SCARB2: variants seen among roughly 807,000 people sequenced by gnomAD.
The protein encoded by SCARB2 is lysosome membrane protein 2.
In SCARB2, 29 loss-of-function variants were observed where a neutral mutation model predicts 58.6. The observed-to-expected ratio is 0.49, with a 90% CI of 0.37 to 0.67. The LOEUF (loss-of-function observed/expected upper bound fraction) is 0.67. Ranked by LOEUF, SCARB2 falls within the 30% of genes least tolerant of loss-of-function variation. The probability of loss-of-function intolerance (pLI) is 0.00; values close to 1 mark genes in which losing one functional copy is unlikely to be tolerated. For missense variants in SCARB2, 488 were observed against 578.5 expected (o/e 0.84, Z 1.60); for synonymous variants, 195 against 210.1 (o/e 0.93, Z 0.62).
At chr4:76,220,444 T>C (rs1733287987) in intron 1 of SCARB2, among the ~76,000 whole-genome samples, 2 of 152,158 alleles carry the variant, frequency 1.3e-5, no homozygotes, top group South Asian at 2.1e-4. Flanking sequence ...CTGGGCATCA[T>C]AGCAAGACCC....
chr4:76,212,345 T>C (rs922525953), intron 1 of SCARB2, among the ~76,000 whole-genome samples: 2 of 152,222 alleles, frequency 1.3e-5, no homozygotes, highest in African/African-American at 2.4e-5. Context: ...ATGGTGCTTT[T>C]TGAAAAACTG....
chr4:76,181,350 A>G (rs1189970370), intron 2 of SCARB2, among the ~76,000 whole-genome samples: 1 of 152,152 alleles, frequency 6.6e-6, no homozygotes, highest in Non-Finnish European at 1.5e-5. Context: ...AGGGAGGTGC[A>G]ATAGTTGAGG....
chr4:76,190,959 T>C (rs1732592719), intron 2 of SCARB2, among the ~76,000 whole-genome samples: 1 of 152,136 alleles, frequency 6.6e-6, no homozygotes, highest in Admixed American at 6.5e-5. Flanking sequence ...AAAGACAGTA[T>C]AAAAAAAGAT....
chr4:76,225,686 C>T (rs1217718704), intron 1 of SCARB2, among the ~76,000 whole-genome samples: 1 of 152,224 alleles, frequency 6.6e-6, no homozygotes, highest in East Asian at 1.9e-4. Context: ...TGATGTATCA[C>T]ACTTATTGAC....
intron 4 of SCARB2, chr4:76,179,237 A>G (rs1414312887): frequency 4.9e-6 from 2 of 406,924 alleles, no homozygotes; most frequent in Non-Finnish European, 9.2e-6. Context: ...TATTTTTAGT[A>G]GAGATAGAGT....
In SCARB2 at chr4:76,179,756, C is replaced by T. The variant is rs55844700; in HGVS notation, c.424-51G>A. On this transcript the variant is annotated intron_variant, in intron 3 of 11. Transcript: ENST00000264896. ...AGCAGCATCCCCTCCAAAGCACCTC[C>T]ATCCACTCTCTCCTACTACCCCATA... 4 of 1,360,738 alleles carry T rather than the reference C, an allele frequency of 2.9e-6. No homozygotes were observed. In the African/African-American group the frequency reaches 5.7e-5, roughly 19 times the overall value. The allele number at this position is 1,360,738 out of a possible 1,614,324, so 84.3% of individuals were successfully genotyped here.
chr4:76,183,372 C>G (rs1244860459), intron 2 of SCARB2, among the ~76,000 whole-genome samples: 1 of 152,220 alleles, frequency 6.6e-6, no homozygotes. Context: ...TTTACCTGTG[C>G]TTCTGAACTA....
At chr4:76,225,004 C>A (rs4306982) in intron 1 of SCARB2, among the ~76,000 whole-genome samples, 46,807 of 151,902 alleles carry the variant, frequency 0.31, 7,369 homozygotes, top group African/African-American at 0.38. Context: ...TATGCATCCT[C>A]ATAGCTTAGC....
chr4:76,213,947 G>C (rs1434224796), upstream of SCARB2: 1 of 167,470 alleles, frequency 6.0e-6, no homozygotes, highest in East Asian at 1.9e-4. Context: ...GCCCTGCGGC[G>C]GCGGCAGTGA....
intron 3 of SCARB2, chr4:76,179,936 A>G (rs1161659718): frequency 3.5e-6 from 2 of 569,374 alleles, no homozygotes; most frequent in Admixed American, 2.9e-5. Flanking sequence ...CAAAGAGACC[A>G]TTTGCAGGCT....
chr4:76,186,479 C>T (rs1393757514), intron 2 of SCARB2, among the ~76,000 whole-genome samples: 1 of 151,986 alleles, frequency 6.6e-6, no homozygotes. Flanking sequence ...GCCAAAGGCA[C>T]AGGCTGAGGA....
At chr4:76,163,604 T>A (rs1448878817) in intron 10 of SCARB2, 2 of 590,626 alleles carry the variant, frequency 3.4e-6, no homozygotes, top group South Asian at 4.1e-5. Flanking sequence ...TAAAATAGAT[T>A]GGAAAAAGGA....
chr4:76,161,304 G>A lies in SCARB2; in HGVS notation c.*409C>T. 1 of 224,048 alleles carries A rather than the reference G, an allele frequency of 4.5e-6. No individual in the cohort carries two copies. The highest frequency in any genetic ancestry group is 1.1e-4 in the East Asian group (1 of 9,220). The allele number at this position is 224,048 out of a possible 1,614,324, so 13.9% of individuals were successfully genotyped here. The stretch of plus-strand genomic sequence containing the variant: ...GAAATGGAGGAATACAACATAAAAT[G>A]GTATATACGCATTTTGAGCACAAAG... On this transcript the variant is annotated 3_prime_UTR_variant, in exon 12 of 12. Coordinates refer to ENST00000264896, the MANE Select transcript of SCARB2 (RefSeq NM_005506.4).
chr4:76,200,049 C>T (rs1372858017), intron 1 of SCARB2, among the ~76,000 whole-genome samples: 2 of 152,174 alleles, frequency 1.3e-5, no homozygotes, highest in Non-Finnish European at 2.9e-5. Context: ...GCCTCAAGAC[C>T]GCGGACTGTC....
chr4:76,209,932 C>T (rs538931240), intron 1 of SCARB2, among the ~76,000 whole-genome samples: 58 of 152,278 alleles, frequency 3.8e-4, no homozygotes, highest in African/African-American at 1.4e-3. Context: ...GTTCTGCATC[C>T]CTATTACTGG....
chr4:76,196,836 G>C (rs1318848692), intron 1 of SCARB2, among the ~76,000 whole-genome samples: 2 of 152,216 alleles, frequency 1.3e-5, no homozygotes, highest in Non-Finnish European at 2.9e-5. Flanking sequence ...GTTACAGGAT[G>C]AATAATGCCC....
intron 2 of SCARB2, among the ~76,000 whole-genome samples, chr4:76,184,024 C>A (rs1248120359): frequency 6.6e-6 from 1 of 152,216 alleles, no homozygotes; most frequent in Non-Finnish European, 1.5e-5. Context: ...ACACTAAGCA[C>A]CAAGCTATGC....
At chr4:76,170,862 A>G (rs1471443372) in intron 7 of SCARB2, among the ~76,000 whole-genome samples, 1 of 151,820 alleles carries the variant, frequency 6.6e-6, no homozygotes, top group Non-Finnish European at 1.5e-5. Flanking sequence ...CTATACACCC[A>G]GCCTCTAACC....
chr4:76,185,963 G>A (rs2109953014), intron 2 of SCARB2, among the ~76,000 whole-genome samples: 1 of 152,302 alleles, frequency 6.6e-6, no homozygotes, highest in East Asian at 1.9e-4. Context: ...CATAAATCCA[G>A]TTACAACACT....
Sources: allele counts gnomAD v4.1 joint callset (sites outside exome capture counted in the v4.1 genomes callset), GRCh38; gene constraint gnomAD v4.1.1; transcripts MANE v1.5; gene names NCBI Gene and HGNC (gene_info 2026-07-23, HGNC 2026-07-21).